Variants in GAS2L3 observed in about 807,000 individuals in gnomAD.
GAS2L3 encodes GAS2-like protein 3.
In GAS2L3, 28 loss-of-function variants were observed where a neutral mutation model predicts 37.0. The observed-to-expected ratio is 0.76, with a 90% confidence interval of 0.56 to 1.04. The LOEUF (loss-of-function observed/expected upper bound fraction) is 1.04. Ranked by LOEUF, GAS2L3 falls within the 50% of genes least tolerant of loss-of-function variation. GAS2L3 has a pLI of 0.00. For synonymous variants in GAS2L3, 290 were observed against 296.6 expected (o/e 0.98, Z 0.23); for missense variants, 793 against 817.6 (o/e 0.97, Z 0.37).
intron 1 of GAS2L3, among the ~76,000 whole-genome samples, chr12:100,586,293 G>T (rs138621394): frequency 6.6e-6 from 1 of 152,164 alleles, no homozygotes; most frequent in Non-Finnish European, 1.5e-5. Flanking sequence ...GTTCAACAGC[G>T]CATGGAACTT....
chr12:100,588,176 T>G (rs532662508), intron 1 of GAS2L3, among the ~76,000 whole-genome samples: 3 of 152,330 alleles, frequency 2.0e-5, no homozygotes, highest in Non-Finnish European at 4.4e-5. Context: ...AGAAAGCTCT[T>G]AGAACAGATA....
intron 5 of GAS2L3, among the ~76,000 whole-genome samples, chr12:100,608,929 C>G (rs1413589284): frequency 6.6e-6 from 1 of 152,192 alleles, no homozygotes; most frequent in East Asian, 1.9e-4. Flanking sequence ...GGCAGAGAAG[C>G]CTCTCCCTGT....
In GAS2L3 at chr12:100,626,162, A is replaced by C. The variant is rs900493342; in HGVS notation, c.*1272A>C. On this transcript the variant is annotated 3_prime_UTR_variant, in exon 10 of 10. Coordinates refer to ENST00000547754, the MANE Select transcript of GAS2L3 (RefSeq NM_174942.3). ...TTAAAACTTCACAGTATTGCCAATTATCTTAGGTTATTCAGTATTCAGGTT... is the reference window on the plus strand; with the variant it reads ...TTAAAACTTCACAGTATTGCCAATTCTCTTAGGTTATTCAGTATTCAGGTT... 4 of 152,216 alleles carry C rather than the reference A, an allele frequency of 2.6e-5. No individual in the cohort carries two copies. The East Asian group carries it at 7.7e-4, about 29-fold the overall frequency. 9.4% of individuals were successfully genotyped at this position (152,216 alleles called of 1,614,324 possible). A position where few individuals can be genotyped will look rare whatever the true frequency, so the allele number is the denominator to read the frequency against.
chr12:100,576,055 C>G (rs968850520), intron 1 of GAS2L3, among the ~76,000 whole-genome samples: 1 of 152,042 alleles, frequency 6.6e-6, no homozygotes, highest in African/African-American at 2.4e-5. Context: ...CAACAAAATG[C>G]ATGCTATTAG....
At chr12:100,595,568 A>G (rs1276168903) in intron 3 of GAS2L3, among the ~76,000 whole-genome samples, 2 of 151,936 alleles carry the variant, frequency 1.3e-5, no homozygotes, top group Non-Finnish European at 2.9e-5. Context: ...ATATTAACTT[A>G]AAAATAAAAG....
intron 5 of GAS2L3, among the ~76,000 whole-genome samples, chr12:100,603,073 C>A (rs1487825021): frequency 6.6e-6 from 1 of 152,132 alleles, no homozygotes; most frequent in African/African-American, 2.4e-5. Context: ...GATTCCAAAT[C>A]TTGGTTATTG....
At chr12:100,578,220 A>G (rs1326877445) in intron 1 of GAS2L3, among the ~76,000 whole-genome samples, 2 of 152,314 alleles carry the variant, frequency 1.3e-5, no homozygotes, top group East Asian at 3.9e-4. Flanking sequence ...GCAACAAGAT[A>G]TAGTCACTGT....
chr12:100,589,281 A>T (rs1250499213), intron 1 of GAS2L3, among the ~76,000 whole-genome samples: 1 of 151,830 alleles, frequency 6.6e-6, no homozygotes, highest in East Asian at 2.0e-4. Context: ...TCTTCTATAC[A>T]CCAACAGCAA....
At chr12:100,608,529 C>CT (rs1205715762) in intron 5 of GAS2L3, among the ~76,000 whole-genome samples, 132 of 149,754 alleles carry the variant, frequency 8.8e-4, no homozygotes, top group South Asian at 7.9e-3. Flanking sequence ...AGATTGAAGT[C>CT]TTTTTTTTTT....
At chr12:100,612,946 A>G (rs921282894) in intron 6 of GAS2L3, among the ~76,000 whole-genome samples, 1 of 152,214 alleles carries the variant, frequency 6.6e-6, no homozygotes, top group Non-Finnish European at 1.5e-5. Flanking sequence ...TACTGACAGT[A>G]CACACCCTTA....
Position 100,624,379 on chromosome 12 carries a change from G to C in GAS2L3, c.1574G>C (p.Ser525Thr). 2.5e-6 allele frequency: 4 copies of C among 1,613,878 alleles called. No individual in the cohort carries two copies. In the South Asian group the frequency reaches 3.3e-5, roughly 13 times the overall value. ...TCCTCTGCAAAAATGACAAAAACCA[G>C]TTCCAAAACCATAGCCACGGGTCTA... ...FQSSAKMTKT[S>T]SKTIATGLGT... The change falls in exon 10 of 10, where the codon AGT becomes ACT. Residue 525 changes from serine to threonine, a missense_variant. Physicochemically the swap from Ser to Thr is moderately conservative, Grantham distance 58. Coordinates refer to ENST00000547754, the MANE Select transcript of GAS2L3 (RefSeq NM_174942.3).
chr12:100,595,318 A>G (rs1955897469), intron 3 of GAS2L3, among the ~76,000 whole-genome samples: 1 of 151,554 alleles, frequency 6.6e-6, no homozygotes, highest in Admixed American at 6.6e-5. Flanking sequence ...AAACAAATAT[A>G]TGTTTTTAAA....
At chr12:100,610,855 A>T (rs1956118564) in intron 5 of GAS2L3, among the ~76,000 whole-genome samples, 1 of 152,218 alleles carries the variant, frequency 6.6e-6, no homozygotes, top group South Asian at 2.1e-4. Context: ...TGAAACTTAG[A>T]TCATCAGTTT....
At chr12:100,586,478 A>AG (rs1391322014) in intron 1 of GAS2L3, among the ~76,000 whole-genome samples, 7 of 152,346 alleles carry the variant, frequency 4.6e-5, no homozygotes, top group African/African-American at 1.7e-4. Flanking sequence ...CTCCTGAATG[A>AG]GCATTGGGTC....
intron 5 of GAS2L3, among the ~76,000 whole-genome samples, chr12:100,605,206 C>A (rs539378075): frequency 2.8e-4 from 42 of 152,140 alleles, no homozygotes; most frequent in African/African-American, 1.0e-3. Flanking sequence ...AGCAGTGAAG[C>A]CCTAGGGTCC....
rs564743979 is a variant in GAS2L3 at position 100,609,545 on chromosome 12, A to T, written c.304-2455A>T. Among the ~76,000 whole-genome samples, 371 of 151,982 alleles carry T rather than the reference A, an allele frequency of 2.4e-3. 1 individual carries two copies. Among genetic ancestry groups the T allele is most frequent in the Non-Finnish European group, 3.8e-3 (259 of 67,938 alleles). On this transcript the variant is annotated intron_variant, in intron 5 of 9. Coordinates refer to ENST00000547754, the MANE Select transcript of GAS2L3 (RefSeq NM_174942.3). ...AGCACACGCTTAGCCACCCTGGTTG[A>T]TGTCTCAGTAGGTCATATGCCCCTC...
At chr12:100,574,329 C>T (rs1955609410) in intron 1 of GAS2L3, among the ~76,000 whole-genome samples, 1 of 152,166 alleles carries the variant, frequency 6.6e-6, no homozygotes, top group Admixed American at 6.5e-5. Context: ...ATAGGCTCTT[C>T]CCTGTTTTTT....
chr12:100,617,783 T>A lies in GAS2L3; in HGVS notation c.485T>A (p.Leu162His). ...CCAAGACAGGTGTATCTTTGTCTTC[T>A]TGAAATTGGTCGAATTGTGTCAAGG... ...KDPRQVYLCL[L>H]EIGRIVSRYG... The change falls in exon 7 of 10, where the codon CTT (leucine) becomes CAT (histidine). Residue 162 changes from leucine (L) to histidine (H), a missense_variant. Transcript: ENST00000547754. 1.2e-6 allele frequency: 2 copies of A among 1,606,810 alleles called. No homozygotes were observed. Among genetic ancestry groups the A allele is most frequent in the Non-Finnish European group, 1.7e-6 (2 of 1,173,962 alleles).
At chr12:100,612,253 C>G in intron 6 of GAS2L3, 112 bp downstream of exon 6, 1 of 813,802 alleles carries the variant, frequency 1.2e-6, no homozygotes, top group South Asian at 1.5e-5. Flanking sequence ...TCTCATTTTC[C>G]TAGAAAAATG....
Sources: gnomAD v4.1 joint callset for allele counts (sites outside exome capture counted in the v4.1 genomes callset) on GRCh38, gnomAD v4.1.1 for gene constraint, MANE v1.5 for transcripts, NCBI Gene and HGNC (gene_info 2026-07-23, HGNC 2026-07-21) for gene names.